The following DOCK11 variants were observed in gnomAD, a reference collection of about 807,000 sequenced individuals.
DOCK11 encodes the protein dedicator of cytokinesis 11, also known as dedicator of cytokinesis protein 11.
Under a neutral mutation model 169.1 loss-of-function variants are expected in DOCK11, and 70 were observed. That is an observed-to-expected ratio of 0.41 (90% confidence interval 0.34 to 0.51). The LOEUF (loss-of-function observed/expected upper bound fraction) is 0.51, where lower values mean the gene tolerates loss of function less well. Ranked by LOEUF, DOCK11 falls within the 20% of genes least tolerant of loss-of-function variation. The pLI is 0.10. For missense variants in DOCK11, 1,166 were observed against 1,538.8 expected (o/e 0.76, Z 4.05); for synonymous variants, 529 against 541.3 (o/e 0.98, Z 0.32).
chrX:118,671,218 T>A, intron 46 of DOCK11, 73 bp downstream of exon 46: 1 of 952,263 alleles, frequency 1.1e-6, no homozygotes, highest in Non-Finnish European at 1.4e-6. Context: ...GTAATATAGT[T>A]CTGTCACTAT....
chrX:118,569,061 C>T (rs1315459587), intron 10 of DOCK11, among the ~76,000 whole-genome samples: 3 of 94,903 alleles, frequency 3.2e-5, no homozygotes, highest in African/African-American at 7.6e-5. Flanking sequence ...TTCTTTCTTT[C>T]TCTCTCTCTC....
At chrX:118,563,889 A>G (rs1014221781) in intron 7 of DOCK11, among the ~76,000 whole-genome samples, 1 of 110,121 alleles carries the variant, frequency 9.1e-6, no homozygotes, top group African/African-American at 3.3e-5. Context: ...TTTAGTAGAG[A>G]TGTTGTATAA....
chrX:118,635,373 CTGTT>C (rs755215604), intron 35 of DOCK11, among the ~76,000 whole-genome samples: 3 of 111,637 alleles, frequency 2.7e-5, no homozygotes, highest in African/African-American at 9.8e-5. Flanking sequence ...AGTGGTGGCA[CTGTT>C]TGTTTTGTTT....
rs2016748059 is a variant in DOCK11, at chrX:118,681,766, A to G, written c.5935A>G (p.Lys1979Glu). ...DSQASKYPPK[K>E]VSELKDMFRK... ...CCAAGCTAGCAAGTATCCACCTAAGAAAGTGAGTGAGTTGAAAGACATGTT... is the reference window on the plus strand; with the variant it reads ...CCAAGCTAGCAAGTATCCACCTAAGGAAGTGAGTGAGTTGAAAGACATGTT... Residue 1979 changes from lysine to glutamate, a missense_variant, in exon 51 of 53, where the codon AAA becomes GAA. Physicochemically the swap from Lys to Glu is moderately conservative, Grantham distance 56. Coordinates refer to ENST00000276202, the MANE Select transcript of DOCK11 (RefSeq NM_144658.4). 8.3e-7 allele frequency: 1 copy of G among 1,203,830 alleles called. No individual in the cohort carries two copies. The highest frequency in any genetic ancestry group is 1.8e-5 in the African/African-American group (1 of 57,107).
chrX:118,522,810 C>T lies in DOCK11; in HGVS notation c.103-19915C>T, dbSNP rs146833149. Among the ~76,000 whole-genome samples, 754 of 111,800 alleles carry T rather than the reference C, an allele frequency of 6.7e-3. 9 individuals carry two copies. Among genetic ancestry groups the T allele is most frequent in the African/African-American group, 0.023 (704 of 30,763 alleles). Reference sequence around the variant, plus strand: ...TAACTCACAGTCAGTTGATTCCTGACCTAATCAGGGTAGGGATATCTCTCA... The same window carrying T: ...TAACTCACAGTCAGTTGATTCCTGATCTAATCAGGGTAGGGATATCTCTCA... On this transcript the variant is annotated intron_variant, in intron 1 of 52. Transcript: ENST00000276202.
chrX:118,656,154 G>T (rs1261239587), intron 44 of DOCK11, among the ~76,000 whole-genome samples: 1 of 110,408 alleles, frequency 9.1e-6, no homozygotes, highest in Non-Finnish European at 1.9e-5. Flanking sequence ...AGCTGGGCAT[G>T]GTGTCACATG....
rs1330435936 is a variant in DOCK11 at position 118,647,897 on chromosome X, A to G, written c.4399-1048A>G. ...AATATATAATATTTAATAATATATC[A>G]TGTATTATATATTATAATATTATAT... On this transcript the variant is annotated intron_variant, in intron 40 of 52. Transcript: ENST00000276202. 2.9e-4 allele frequency among the ~76,000 whole-genome samples: 14 copies of G among 47,564 alleles called. No individual in the cohort carries two copies. The East Asian group carries it at 8.4e-3, about 29-fold the overall frequency. The allele number at this position is 47,564 out of a possible 115,157, so 41.3% of individuals were successfully genotyped here.
chrX:118,641,196 C>G lies in DOCK11; in HGVS notation c.4151C>G (p.Thr1384Arg). The G allele has an allele frequency of 8.3e-7, 1 of 1,202,599 alleles. No homozygotes were observed. Among genetic ancestry groups the G allele is most frequent in the Non-Finnish European group, 1.1e-6 (1 of 887,252 alleles). The change falls in exon 39 of 53, where the codon ACA (threonine) becomes AGA (arginine). Residue 1384 changes from threonine (T) to arginine (R), a missense_variant. Physicochemically the swap from Thr to Arg is moderately conservative, Grantham distance 71. Coordinates refer to ENST00000276202, the MANE Select transcript of DOCK11 (RefSeq NM_144658.4). ...ESSFTLNHSS[T>R]TTEADIFHQA... is the part of the protein sequence containing the mutation. ...TTTACTTTTTTAATCCTAGGTTCTACAACAACTGAAGCAGACATTTTCCAC... is the reference window on the plus strand; with the variant it reads ...TTTACTTTTTTAATCCTAGGTTCTAGAACAACTGAAGCAGACATTTTCCAC...
intron 14 of DOCK11, among the ~76,000 whole-genome samples, chrX:118,582,989 T>C (rs763821882): frequency 4.4e-5 from 5 of 112,362 alleles, no homozygotes; most frequent in Non-Finnish European, 9.4e-5. Context: ...TGTATGTTTA[T>C]TGTGGCACTG....
At chrX:118,568,405 TA>T (rs1365766380) in intron 10 of DOCK11, among the ~76,000 whole-genome samples, 2 of 84,416 alleles carry the variant, frequency 2.4e-5, no homozygotes, top group Non-Finnish European at 4.5e-5. Context: ...TATATATATA[TA>T]TATATATATA....
chrX:118,653,198 T>G (rs1321707606), intron 42 of DOCK11, among the ~76,000 whole-genome samples: 2 of 111,873 alleles, frequency 1.8e-5, no homozygotes, highest in East Asian at 5.6e-4. Flanking sequence ...TATTCTCTCC[T>G]TGATAGGAAA....
At chrX:118,633,446 G>A (rs1208695312) in intron 35 of DOCK11, 1 of 111,721 alleles carries the variant, frequency 9.0e-6, no homozygotes, top group Non-Finnish European at 1.9e-5. Context: ...TGTTTCAAGT[G>A]TCCCTTTTGG....
Position 118,598,045 on chromosome X carries a change from A to G in DOCK11, c.2401A>G (p.Ile801Val). The change falls in exon 22 of 53, where the codon ATT (isoleucine) becomes GTT (valine). Residue 801 changes from isoleucine to valine, a missense_variant. Transcript: ENST00000276202. Reference protein sequence around the residue: ...AESRRQCNVDIKWVDGAKPLL... With the variant: ...AESRRQCNVDVKWVDGAKPLL... ...CTGTTCACAGCAATGTAACGTGGAT[A>G]TTAAATGGGTAGATGGTGCAAAGCC... 1.7e-6 allele frequency: 2 copies of G among 1,192,574 alleles called. No individual in the cohort carries two copies. The highest frequency in any genetic ancestry group is 1.1e-6 in the Non-Finnish European group (1 of 883,281).
chrX:118,506,268 A>AG (rs2057611484), intron 1 of DOCK11, among the ~76,000 whole-genome samples: 1 of 110,266 alleles, frequency 9.1e-6, no homozygotes, highest in South Asian at 3.8e-4. Flanking sequence ...AAAAAAAAAA[A>AG]CAACAAAAAA....
intron 52 of DOCK11, among the ~76,000 whole-genome samples, chrX:118,683,692 A>G (rs1287669444): frequency 1.8e-5 from 2 of 112,383 alleles, no homozygotes; most frequent in African/African-American, 6.5e-5. Context: ...ACTCTAAATT[A>G]TTCAAATTGA....
chrX:118,543,341 T>C (rs1490067137), intron 3 of DOCK11, among the ~76,000 whole-genome samples, 170 bp from the exon 4 acceptor site: 1 of 111,863 alleles, frequency 8.9e-6, no homozygotes, highest in East Asian at 2.8e-4. Context: ...TTGGGATTTA[T>C]TGCCACCAAC....
At chrX:118,496,529 G>T (rs1452003929) in intron 1 of DOCK11, among the ~76,000 whole-genome samples, 4 of 112,697 alleles carry the variant, frequency 3.5e-5, no homozygotes, top group African/African-American at 1.3e-4. Context: ...ACTCTCGCGC[G>T]CACACATACA....
At chrX:118,590,000 A>G (rs1350560612) in intron 18 of DOCK11, among the ~76,000 whole-genome samples, 1 of 112,482 alleles carries the variant, frequency 8.9e-6, no homozygotes, top group Non-Finnish European at 1.9e-5. Context: ...CTGGAAATTC[A>G]GAAGCATCCA....
chrX:118,561,103 G>C (rs142710395), intron 6 of DOCK11, among the ~76,000 whole-genome samples: 1 of 112,184 alleles, frequency 8.9e-6, no homozygotes, highest in Non-Finnish European at 1.9e-5. Flanking sequence ...TAGTGAAAGG[G>C]TCAGGAGATT....
Sources: allele counts gnomAD v4.1 joint callset (sites outside exome capture counted in the v4.1 genomes callset), GRCh38; gene constraint gnomAD v4.1.1; transcripts MANE v1.5; gene names NCBI Gene and HGNC (gene_info 2026-07-23, HGNC 2026-07-21).